Variants in DHX38 observed in about 807,000 individuals in gnomAD.
The protein encoded by DHX38 is pre-mRNA-splicing factor ATP-dependent RNA helicase PRP16.
A neutral mutation model predicts 153.1 loss-of-function variants in DHX38; 100 were observed. The ratio of observed to expected loss-of-function variants is 0.65; its 90% CI spans 0.56 to 0.77. The LOEUF (loss-of-function observed/expected upper bound fraction) is 0.77. Among genes scored for constraint, DHX38 ranks in the 30% least tolerant of loss-of-function variants. The pLI is 0.00. For missense variants in DHX38, 1,440 were observed against 1,654.0 expected (o/e 0.87, Z 2.24); for synonymous variants, 650 against 631.7 (o/e 1.03, Z -0.43).
chr16:72,111,010 C>T lies in DHX38; in HGVS notation c.3532C>T (p.Leu1178=), dbSNP rs1470431287. The T allele has an allele frequency of 5.7e-6, 9 of 1,586,166 alleles. No homozygotes were observed. Among genetic ancestry groups the T allele is most frequent in the East Asian group, 2.3e-5 (1 of 43,664 alleles). ...CTCTGCCATGGAGGAGGAGATGGCGCTGGCCGAGGAGCAGCTGCGAGCCCG... is the reference window on the plus strand; with the variant it reads ...CTCTGCCATGGAGGAGGAGATGGCGTTGGCCGAGGAGCAGCTGCGAGCCCG... ...EASAMEEEMA[L]AEEQLRARRQ... is the part of the protein sequence containing the mutation. Residue 1178 remains leucine, a synonymous_variant, in exon 26 of 27, where the codon CTG becomes TTG. Transcript: ENST00000268482.
Position 72,099,030 on chromosome 16 carries a change from C to T in DHX38, c.868C>T (p.Leu290=), listed in dbSNP as rs760079095. The T allele has an allele frequency of 2.0e-5, 33 of 1,612,792 alleles. 1 individual carries two copies. The highest frequency in any genetic ancestry group is 6.7e-5 in the East Asian group (3 of 44,884). Residue 290 remains leucine (L), a synonymous_variant, in exon 6 of 27, where the codon CTG becomes TTG. Transcript: ENST00000268482. ...DRRHLGSTPR[L]SRGRGRREEG... Reference sequence around the variant, plus strand: ...AAGACACTTGGGGTCCACCCCGCGTCTGTCCAGGGGCCGAGGTGAGGCCTG... The same window carrying T: ...AAGACACTTGGGGTCCACCCCGCGTTTGTCCAGGGGCCGAGGTGAGGCCTG...
In DHX38 at chr16:72,103,057, C is replaced by A. The variant is rs1413640408; in HGVS notation, c.1500-17C>A. 1.2e-6 allele frequency: 2 copies of A among 1,613,498 alleles called. No individual in the cohort carries two copies. The highest frequency in any genetic ancestry group is 2.7e-5 in the African/African-American group (2 of 74,930). ...TGGGGCACCATGCAGGGTGTTTAGG[C>A]TGCTGTGTGTTCCTAGGACAGAGCA... On this transcript the variant is annotated splice_polypyrimidine_tract_variant and intron_variant, in intron 11 of 26. Transcript: ENST00000268482.
intron 11 of DHX38, among the ~76,000 whole-genome samples, chr16:72,102,290 C>T (rs2042111974): frequency 6.6e-6 from 1 of 152,178 alleles, no homozygotes; most frequent in African/African-American, 2.4e-5. Flanking sequence ...CTCTAGTTAA[C>T]TTAATTCCTC....
intron 11 of DHX38, among the ~76,000 whole-genome samples, chr16:72,102,573 C>T (rs917795879): frequency 6.6e-6 from 1 of 152,180 alleles, no homozygotes; most frequent in Non-Finnish European, 1.5e-5. Flanking sequence ...TTTCACAGTT[C>T]TTTGAAAACA....
chr16:72,104,614 C>A lies in DHX38; in HGVS notation c.2139C>A (p.Ile713=), dbSNP rs751691983. The part of the protein sequence containing the change: ...HIPGRTFPVD[I]LFSKTPQEDY... ...CTGGCCGTACCTTCCCTGTTGACATCCTCTTCAGCAAGGTATTGAGGCCAC... is the reference window on the plus strand; with the variant it reads ...CTGGCCGTACCTTCCCTGTTGACATACTCTTCAGCAAGGTATTGAGGCCAC... The change falls in exon 15 of 27, where the codon ATC becomes ATA. Residue 713 remains isoleucine, a synonymous_variant. Transcript: ENST00000268482. This position sits in a 1 kb window ranked among gnomAD's most constrained non-coding sequence, Gnocchi z 4.5. The A allele has an allele frequency of 1.9e-6, 3 of 1,614,166 alleles. No individual in the cohort carries two copies. The highest frequency in any genetic ancestry group is 2.7e-5 in the African/African-American group (2 of 75,038).
chr16:72,099,416 G>T, intron 7 of DHX38, 136 bp downstream of exon 7: 1 of 829,756 alleles, frequency 1.2e-6, no homozygotes. Context: ...TCTCTTTGCA[G>T]AGGCATAGAC....
chr16:72,098,029 C>T (rs1278752025), intron 4 of DHX38, among the ~76,000 whole-genome samples: 2 of 152,112 alleles, frequency 1.3e-5, no homozygotes, highest in African/African-American at 4.8e-5. Context: ...GAATAGGGAG[C>T]TGGAGGTAGA....
At position 72,100,445 on chromosome 16, in the gene DHX38, C is replaced by A; in HGVS notation, c.1126C>A (p.Arg376Ser). 1 of 1,613,914 alleles carries A rather than the reference C, an allele frequency of 6.2e-7. No homozygotes were observed. The highest frequency in any genetic ancestry group is 8.5e-7 in the Non-Finnish European group (1 of 1,179,880). The change falls in exon 9 of 27, where the codon CGC becomes AGC. Residue 376 changes from arginine (R) to serine (S), a missense_variant. By Grantham distance (110) the Arg-to-Ser change is moderately radical. This residue lies in a region of DHX38 where 77 missense variants were observed against 125.4 expected (regional missense o/e 0.61). Transcript: ENST00000268482. The part of the protein sequence containing the change: ...QRRQINEDNE[R>S]WETNRMLTSG... ...CATTGTGTCCTCACAGGATAACGAG[C>A]GCTGGGAGACAAACCGCATGCTCAC...
chr16:72,108,993 T>C, intron 24 of DHX38, 68 bp downstream of exon 24: 1 of 1,529,150 alleles, frequency 6.5e-7, no homozygotes, highest in Non-Finnish European at 8.8e-7. Flanking sequence ...AACCCTTCAC[T>C]GCGTTCTGGC....
At chr16:72,097,931 G>A in intron 4 of DHX38, 150 bp downstream of exon 4, 1 of 787,226 alleles carries the variant, frequency 1.3e-6, no homozygotes, top group East Asian at 2.7e-5. Context: ...TGAGTCAGGT[G>A]GGCACAGCTC....
chr16:72,096,918 G>T lies in DHX38; in HGVS notation c.420G>T (p.Arg140=). 6.2e-7 allele frequency: 1 copy of T among 1,614,038 alleles called. No homozygotes were observed. Residue 140 remains arginine (R), a synonymous_variant, in exon 3 of 27, where the codon CGG becomes CGT. Transcript: ENST00000268482. The part of the protein sequence containing the change: ...ERSRQRERER[R]EHGVYASSKE... ...GTCGGCAGAGAGAGCGGGAGCGGCG[G>T]GAACATGGTGTCTATGCCTCGTCCA... is the stretch of plus-strand genomic sequence containing the variant.
At chr16:72,105,916 T>C in intron 18 of DHX38, 89 bp from the exon 19 acceptor site, 1 of 1,224,136 alleles carries the variant, frequency 8.2e-7, no homozygotes. Flanking sequence ...CTCTGCCATG[T>C]GTAGCAACCA....
Position 72,098,700 on chromosome 16 carries a change from C to T in DHX38, c.672C>T (p.Ser224=). ...AGGAAGAGGACAGTGGCTATGGCTC[C>T]TCAAGGCGCTCACAGTGGGAATCGC... ...TWEEEDSGYG[S]SRRSQWESPS... The change falls in exon 5 of 27, where the codon TCC becomes TCT. Residue 224 remains serine, a synonymous_variant. Transcript: ENST00000268482. 3 of 1,613,986 alleles carry T rather than the reference C, an allele frequency of 1.9e-6. No individual in the cohort carries two copies. Among genetic ancestry groups the T allele is most frequent in the Non-Finnish European group, 2.5e-6 (3 of 1,179,986 alleles).
At position 72,098,629 on chromosome 16, in the gene DHX38, G is replaced by C. The variant is rs769378727; in HGVS notation, c.617-16G>C. The C allele has an allele frequency of 3.7e-6, 6 of 1,612,966 alleles. No homozygotes were observed. Among genetic ancestry groups the C allele is most frequent in the Non-Finnish European group, 3.4e-6 (4 of 1,179,172 alleles). On this transcript the variant is annotated splice_polypyrimidine_tract_variant and intron_variant, in intron 4 of 26. Transcript: ENST00000268482. ...TAAGTGAGATGTTTCCTGTGGATGTGTCTTTTGTGGCCCAGATGCAGCCAC... is the reference window on the plus strand; with the variant it reads ...TAAGTGAGATGTTTCCTGTGGATGTCTCTTTTGTGGCCCAGATGCAGCCAC...
At chr16:72,102,400 A>G (rs2042113515) in intron 11 of DHX38, among the ~76,000 whole-genome samples, 2 of 151,238 alleles carry the variant, frequency 1.3e-5, no homozygotes, top group African/African-American at 2.4e-5. Flanking sequence ...GTCTCTGGGG[A>G]GGGGGTTGGG....
chr16:72,094,431 C>T (rs2041976377), intron 1 of DHX38: 1 of 152,272 alleles, frequency 6.6e-6, no homozygotes, highest in African/African-American at 2.4e-5. Flanking sequence ...TGGGCGATCT[C>T]TTCTACTAGA....
At chr16:72,098,028 G>T (rs1323930108) in intron 4 of DHX38, among the ~76,000 whole-genome samples, 1 of 152,232 alleles carries the variant, frequency 6.6e-6, no homozygotes, top group Non-Finnish European at 1.5e-5. Flanking sequence ...AGAATAGGGA[G>T]CTGGAGGTAG....
At position 72,101,197 on chromosome 16, in the gene DHX38, G is replaced by T; in HGVS notation, c.1386+4G>T. ...GGAGCAGAAGGAGCGCAAGAAGGTT[G>T]GTTTCTTGGTTTCGTGGCTGGGAAG... On this transcript the variant is annotated splice_donor_region_variant and intron_variant, in intron 10 of 26. Transcript: ENST00000268482. 1.9e-6 allele frequency: 3 copies of T among 1,613,988 alleles called. No homozygotes were observed. The highest frequency in any genetic ancestry group is 1.7e-6 in the Non-Finnish European group (2 of 1,179,938).
rs764601149 is a variant in DHX38, at chr16:72,105,365, G to A, written c.2379+17G>A. The A allele has an allele frequency of 8.1e-6, 13 of 1,612,624 alleles. No homozygotes were observed. The African/African-American group carries it at 1.7e-4, about 22-fold the overall frequency. On this transcript the variant is annotated intron_variant, in intron 17 of 26. Transcript: ENST00000268482. ...TTCCAGAAGGTGTGTCAGCAGGAAT[G>A]TCCAGGAGTGGCTCTTGGAGTTCTC...
Sources: allele counts gnomAD v4.1 joint callset (sites outside exome capture counted in the v4.1 genomes callset), GRCh38; gene constraint gnomAD v4.1.1; regional missense constraint gnomAD v4.1.1; non-coding constraint Gnocchi (gnomAD v3.1); transcripts MANE v1.5; gene names NCBI Gene and HGNC (gene_info 2026-07-23, HGNC 2026-07-21).